Variants in ZNF407 observed in about 807,000 individuals in gnomAD.
ZNF407 encodes zinc finger protein 407.
In ZNF407, 17 loss-of-function variants were observed where a neutral mutation model predicts 131.2. The observed-to-expected ratio is 0.13, with a 90% CI of 0.09 to 0.19. The LOEUF is 0.19. ZNF407 is among the 10% of genes least tolerant of loss of function. The pLI is 1.00. For synonymous variants in ZNF407, 1,156 were observed against 1,062.0 expected (o/e 1.09, Z -1.72); for missense variants, 2,681 against 2,830.6 (o/e 0.95, Z 1.20).
At chr18:74,851,037 G>A (rs1227077534) in intron 4 of ZNF407, among the ~76,000 whole-genome samples, 1 of 152,172 alleles carries the variant, frequency 6.6e-6, no homozygotes. Flanking sequence ...GTTACTTACG[G>A]TGTTCTTTGG....
chr18:74,922,049 T>C (rs1971853425), intron 8 of ZNF407, among the ~76,000 whole-genome samples: 1 of 152,198 alleles, frequency 6.6e-6, no homozygotes, highest in Admixed American at 6.5e-5. Context: ...TTTTCTGCTA[T>C]CCAGGGCTGT....
intron 8 of ZNF407, among the ~76,000 whole-genome samples, chr18:75,026,834 G>T (rs1274241671): frequency 6.6e-6 from 1 of 152,178 alleles, no homozygotes; most frequent in Non-Finnish European, 1.5e-5. Context: ...CGTGCCCTCA[G>T]CCCTGATCAA....
chr18:75,018,083 A>G (rs1464340278), intron 8 of ZNF407, among the ~76,000 whole-genome samples: 1 of 152,210 alleles, frequency 6.6e-6, no homozygotes, highest in Non-Finnish European at 1.5e-5. Flanking sequence ...TATTTGCACA[A>G]TAGAATTATG....
intron 3 of ZNF407, among the ~76,000 whole-genome samples, chr18:74,706,286 T>A (rs1967622240): frequency 6.6e-6 from 1 of 152,230 alleles, no homozygotes; most frequent in South Asian, 2.1e-4. Flanking sequence ...GCTTTCACTT[T>A]TGTTTTGGAA....
chr18:74,908,121 G>A (rs567989810), intron 7 of ZNF407, among the ~76,000 whole-genome samples: 70 of 152,066 alleles, frequency 4.6e-4, no homozygotes, highest in Non-Finnish European at 7.5e-4. Context: ...ACCAGTTTTT[G>A]TATATGTTGC....
intron 4 of ZNF407, among the ~76,000 whole-genome samples, chr18:74,800,046 A>T (rs1969993319): frequency 6.6e-6 from 1 of 151,964 alleles, no homozygotes; most frequent in Non-Finnish European, 1.5e-5. Flanking sequence ...CAATAACTTG[A>T]ATAACAATAG....
intron 3 of ZNF407, among the ~76,000 whole-genome samples, chr18:74,752,807 G>A (rs542476522): frequency 1.1e-4 from 16 of 152,256 alleles, no homozygotes; most frequent in African/African-American, 2.6e-4. Context: ...GCTAGGTAGC[G>A]TGATGCCTCC....
intron 3 of ZNF407, among the ~76,000 whole-genome samples, chr18:74,751,523 TC>T (rs1968801910): frequency 6.6e-6 from 1 of 151,510 alleles, no homozygotes; most frequent in African/African-American, 2.4e-5. Flanking sequence ...CCCTCTCCCC[TC>T]CCCCCACCAC....
intron 7 of ZNF407, among the ~76,000 whole-genome samples, chr18:74,890,508 A>C (rs190339820): frequency 1.3e-5 from 2 of 152,216 alleles, no homozygotes; most frequent in Non-Finnish European, 2.9e-5. Flanking sequence ...ATTTTCTATA[A>C]TCTTAACATT....
intron 4 of ZNF407, among the ~76,000 whole-genome samples, chr18:74,794,762 T>G (rs1240628175): frequency 6.6e-6 from 1 of 152,298 alleles, no homozygotes; most frequent in Non-Finnish European, 1.5e-5. Context: ...ATTTCATAGT[T>G]CTTTGGTAAA....
chr18:74,831,237 G>A (rs1970479024), intron 4 of ZNF407, among the ~76,000 whole-genome samples: 1 of 152,158 alleles, frequency 6.6e-6, no homozygotes, highest in Admixed American at 6.5e-5. Context: ...AGTAAACATA[G>A]GAGTACAGGC....
At chr18:74,888,860 G>T (rs554791938) in intron 6 of ZNF407, among the ~76,000 whole-genome samples, 3 of 152,072 alleles carry the variant, frequency 2.0e-5, no homozygotes, top group South Asian at 2.1e-4. Context: ...CACTATCTTC[G>T]TGTCCTCTGC....
rs1434589800 is a variant in ZNF407 at position 74,889,939 on chromosome 18, A to T, written c.5150A>T (p.Asp1717Val). The T allele has an allele frequency of 5.0e-6, 8 of 1,609,180 alleles. No individual in the cohort carries two copies. Among genetic ancestry groups the T allele is most frequent in the Non-Finnish European group, 5.9e-6 (7 of 1,177,700 alleles). Reference protein sequence around the residue: ...QHTGEKPFKCDECNFASTTQS... With the variant: ...QHTGEKPFKCVECNFASTTQS... ...ACAGGAGAAAAACCTTTCAAGTGCG[A>T]TGAGTGTAACTTTGCCTCCACAACT... The change falls in exon 7 of 9, where the codon GAT becomes GTT. Residue 1717 changes from aspartate (D) to valine (V), a missense_variant. Coordinates refer to ENST00000299687, the MANE Select transcript of ZNF407 (RefSeq NM_017757.3).
At chr18:74,679,212 G>A (rs1468063432) in intron 3 of ZNF407, among the ~76,000 whole-genome samples, 2 of 152,216 alleles carry the variant, frequency 1.3e-5, no homozygotes, top group South Asian at 2.1e-4. Flanking sequence ...TCTGAAAAAC[G>A]TAATTGCCAT....
At chr18:74,623,862 T>G (rs962624153) in intron 1 of ZNF407, among the ~76,000 whole-genome samples, 1 of 152,108 alleles carries the variant, frequency 6.6e-6, no homozygotes, top group East Asian at 1.9e-4. Flanking sequence ...GAACAACTGC[T>G]TGAGTGTTTG....
chr18:74,745,807 TG>T (rs2144931390), intron 3 of ZNF407, among the ~76,000 whole-genome samples: 1 of 152,280 alleles, frequency 6.6e-6, no homozygotes, highest in African/African-American at 2.4e-5. Context: ...GGATGTCTGT[TG>T]TAGCGTCTAA....
At chr18:74,706,564 C>G (rs1967628016) in intron 3 of ZNF407, among the ~76,000 whole-genome samples, 1 of 152,168 alleles carries the variant, frequency 6.6e-6, no homozygotes, top group South Asian at 2.1e-4. Context: ...CAGCTCTGAA[C>G]AGCACTGACC....
chr18:75,004,368 G>A (rs1272190071), intron 8 of ZNF407, among the ~76,000 whole-genome samples: 1 of 152,172 alleles, frequency 6.6e-6, no homozygotes, highest in East Asian at 1.9e-4. Flanking sequence ...GCTATAAATT[G>A]TCGCAAGGGT....
At chr18:74,700,474 G>C (rs1204790794) in intron 3 of ZNF407, among the ~76,000 whole-genome samples, 1 of 152,152 alleles carries the variant, frequency 6.6e-6, no homozygotes, top group Non-Finnish European at 1.5e-5. Flanking sequence ...CCAGCACTTT[G>C]CACTTTCCTC....
Sources: allele counts gnomAD v4.1 joint callset (sites outside exome capture counted in the v4.1 genomes callset), GRCh38; gene constraint gnomAD v4.1.1; transcripts MANE v1.5; gene names NCBI Gene and HGNC (gene_info 2026-07-23, HGNC 2026-07-21).